MAML2: variants seen among roughly 807,000 people sequenced by gnomAD.
The protein encoded by MAML2 is mastermind like transcriptional coactivator 2, also known as mastermind-like protein 2.
In MAML2, 22 loss-of-function variants were observed where a neutral mutation model predicts 96.1. That is an observed-to-expected ratio of 0.23 (90% confidence interval 0.16 to 0.33). MAML2 has a LOEUF of 0.33. Ranked by LOEUF, MAML2 falls within the 10% of genes least tolerant of loss-of-function variation. The pLI is 1.00. For missense variants in MAML2, 1,367 were observed against 1,392.4 expected (o/e 0.98, Z 0.29); for synonymous variants, 561 against 521.3 (o/e 1.08, Z -1.04).
intron 2 of MAML2, among the ~76,000 whole-genome samples, chr11:96,008,026 A>T (rs7931449): frequency 0.36 from 52,262 of 144,142 alleles, 9,218 homozygotes; most frequent in South Asian, 0.53. Context: ...TAAAGTATAA[A>T]AAAAAAAAAA....
At chr11:96,327,293 G>A (rs554001327) in intron 1 of MAML2, among the ~76,000 whole-genome samples, 1 of 152,338 alleles carries the variant, frequency 6.6e-6, no homozygotes, top group South Asian at 2.1e-4. Flanking sequence ...GCCTGGACCC[G>A]AATGGGGGTC....
intron 2 of MAML2, among the ~76,000 whole-genome samples, chr11:96,009,132 G>C (rs1029505480): frequency 3.3e-5 from 5 of 152,140 alleles, no homozygotes; most frequent in African/African-American, 1.2e-4. Flanking sequence ...ATGTGCAATT[G>C]ACTAGCCATA....
Position 96,110,202 on chromosome 11 carries a change from AC to A in MAML2, c.514-16686del, listed in dbSNP as rs1860094220. Reference sequence around the variant, plus strand: ...GTGGATGGAAGGTAAAAAAAGGGAAACAAAGTAGGTAGATTCTTCTTCTTAA... The same window carrying A: ...GTGGATGGAAGGTAAAAAAAGGGAAAAAAGTAGGTAGATTCTTCTTCTTAA... On this transcript the variant is annotated intron_variant, in intron 1 of 4. Coordinates refer to ENST00000524717, the MANE Select transcript of MAML2 (RefSeq NM_032427.4). 4.6e-5 allele frequency among the ~76,000 whole-genome samples: 7 copies of A among 152,290 alleles called. No homozygotes were observed. The South Asian group carries it at 1.2e-3, about 27-fold the overall frequency.
At chr11:96,301,305 G>A (rs1863383482) in intron 1 of MAML2, among the ~76,000 whole-genome samples, 1 of 152,162 alleles carries the variant, frequency 6.6e-6, no homozygotes, top group Admixed American at 6.5e-5. Flanking sequence ...GGACAAATGA[G>A]GCACATGGGG....
intron 1 of MAML2, among the ~76,000 whole-genome samples, chr11:96,262,631 C>A (rs1209020056): frequency 2.6e-5 from 4 of 152,114 alleles, no homozygotes; most frequent in Non-Finnish European, 5.9e-5. Flanking sequence ...CCACGCCTGG[C>A]TAATGTTTTT....
intron 1 of MAML2, among the ~76,000 whole-genome samples, chr11:96,202,108 C>T (rs549908380): frequency 2.7e-4 from 38 of 143,086 alleles, no homozygotes; most frequent in Admixed American, 1.6e-3. Context: ...CCGAGGCAGG[C>T]GCATCATGAG....
chr11:96,257,611 C>T (rs912719736), intron 1 of MAML2, among the ~76,000 whole-genome samples: 1 of 152,094 alleles, frequency 6.6e-6, no homozygotes, highest in African/African-American at 2.4e-5. Flanking sequence ...GAAAAAGAGC[C>T]CTTGGCTTTT....
intron 3 of MAML2, among the ~76,000 whole-genome samples, chr11:95,990,949 A>T (rs932978721): frequency 6.6e-6 from 1 of 152,034 alleles, no homozygotes; most frequent in Admixed American, 6.6e-5. Context: ...TTGGTGCAAA[A>T]GTGATTACGG....
chr11:96,332,416 A>G (rs1213924632), intron 1 of MAML2, among the ~76,000 whole-genome samples: 1 of 152,192 alleles, frequency 6.6e-6, no homozygotes, highest in Non-Finnish European at 1.5e-5. Context: ...GACAGCTCAG[A>G]GTCACTCTCT....
chr11:96,245,768 G>A lies in MAML2; in HGVS notation c.513+95615C>T, dbSNP rs545436871. ...TGCCCAGGCTGGAGTGCAGCGGTGC[G>A]ATCTCGGCTCACTGCAACCTCTGCC... On this transcript the variant is annotated intron_variant, in intron 1 of 4. Coordinates refer to ENST00000524717, the MANE Select transcript of MAML2 (RefSeq NM_032427.4). Among the ~76,000 whole-genome samples, 381 of 150,020 alleles carry A rather than the reference G, an allele frequency of 2.5e-3. 2 individuals are homozygous for A. The highest frequency in any genetic ancestry group is 0.024 in the Middle Eastern group (7 of 294).
At chr11:96,122,822 G>A (rs1860373661) in intron 1 of MAML2, among the ~76,000 whole-genome samples, 1 of 152,180 alleles carries the variant, frequency 6.6e-6, no homozygotes, top group Non-Finnish European at 1.5e-5. Context: ...CCACGATCAT[G>A]GCCAGGGCAG....
intron 1 of MAML2, among the ~76,000 whole-genome samples, chr11:96,340,904 A>G (rs1375830027): frequency 1.3e-5 from 2 of 152,170 alleles, no homozygotes; most frequent in Non-Finnish European, 2.9e-5. Flanking sequence ...TTAAGCGAAG[A>G]AGAAGGGGGT....
intron 1 of MAML2, among the ~76,000 whole-genome samples, chr11:96,169,854 C>T (rs987083733): frequency 2.0e-5 from 3 of 152,174 alleles, no homozygotes; most frequent in South Asian, 2.1e-4. Context: ...GGGGTTTCCC[C>T]GTGTTGCCCA....
At chr11:96,335,963 C>T (rs1420532439) in intron 1 of MAML2, among the ~76,000 whole-genome samples, 1 of 152,174 alleles carries the variant, frequency 6.6e-6, no homozygotes, top group Non-Finnish European at 1.5e-5. Flanking sequence ...ATAGCTATCC[C>T]TGGCCTATAT....
intron 2 of MAML2, among the ~76,000 whole-genome samples, chr11:96,070,598 C>G (rs1859330339): frequency 6.6e-6 from 1 of 152,214 alleles, no homozygotes; most frequent in African/African-American, 2.4e-5. Context: ...TGGAGCTGCC[C>G]ACCCCACTGG....
chr11:96,128,397 C>T (rs772799163), intron 1 of MAML2, among the ~76,000 whole-genome samples: 10 of 151,296 alleles, frequency 6.6e-5, no homozygotes, highest in Admixed American at 1.3e-4. Flanking sequence ...GGCTCAGTCT[C>T]GGGAAAAAAA....
chr11:96,019,121 G>T (rs1320653739), intron 2 of MAML2, among the ~76,000 whole-genome samples: 1 of 152,028 alleles, frequency 6.6e-6, no homozygotes, highest in East Asian at 1.9e-4. Context: ...TGTTTATTTT[G>T]TTTGTTTCTT....
chr11:96,013,103 G>C (rs1169563819), intron 2 of MAML2, among the ~76,000 whole-genome samples: 1 of 152,206 alleles, frequency 6.6e-6, no homozygotes, highest in South Asian at 2.1e-4. Context: ...GAGCTCAGGT[G>C]AAAAGAGAGA....
chr11:96,184,971 C>T (rs1029287782), intron 1 of MAML2, among the ~76,000 whole-genome samples: 1 of 152,050 alleles, frequency 6.6e-6, no homozygotes, highest in African/African-American at 2.4e-5. Flanking sequence ...GATTTTTCTC[C>T]CTCTCAGAAG....
Sources: allele counts gnomAD v4.1 joint callset (sites outside exome capture counted in the v4.1 genomes callset), GRCh38; gene constraint gnomAD v4.1.1; transcripts MANE v1.5; gene names NCBI Gene and HGNC (gene_info 2026-07-23, HGNC 2026-07-21).